The following GBP7 variants were observed in gnomAD, a reference collection of about 807,000 sequenced individuals.
GBP7 encodes guanylate-binding protein 7.
Under a neutral mutation model 61.3 loss-of-function variants are expected in GBP7, and 43 were observed. The ratio of observed to expected loss-of-function variants is 0.70; its 90% CI spans 0.55 to 0.91. The LOEUF (loss-of-function observed/expected upper bound fraction) is 0.91. Ranked by LOEUF, GBP7 falls within the 40% of genes least tolerant of loss-of-function variation. GBP7 has a pLI of 0.00. For synonymous variants in GBP7, 267 were observed against 271.0 expected, an observed-to-expected ratio of 0.99 and a Z score of 0.14; for missense variants, 717 against 740.5, an observed-to-expected ratio of 0.97 and a Z score of 0.37.
chr1:89,152,585 G>A (rs1221551919), intron 4 of GBP7, 83 bp downstream of exon 4: 3 of 1,508,026 alleles, frequency 2.0e-6, no homozygotes, highest in Non-Finnish European at 2.7e-6. Context: ...CAGGACAACT[G>A]AGTCACAACA....
At chr1:89,154,236 G>T (rs1682264458) in intron 3 of GBP7, among the ~76,000 whole-genome samples, 1 of 152,066 alleles carries the variant, frequency 6.6e-6, no homozygotes, top group Non-Finnish European at 1.5e-5. Context: ...TTTTATCTTT[G>T]TTGTACACTG....
chr1:89,141,685 G>A, intron 8 of GBP7, 37 bp from the exon 9 acceptor site: 2 of 1,524,426 alleles, frequency 1.3e-6, no homozygotes, highest in Non-Finnish European at 1.8e-6. Context: ...CTGTCAGGCA[G>A]CAGAAATCTT....
chr1:89,166,644 T>G (rs908287222), intron 2 of GBP7, among the ~76,000 whole-genome samples: 4 of 152,194 alleles, frequency 2.6e-5, no homozygotes, highest in Non-Finnish European at 5.9e-5. Flanking sequence ...ATGCCAAACT[T>G]GAATGAAATG....
At chr1:89,150,242 A>G (rs1682161132) in intron 6 of GBP7, 88 bp downstream of exon 6, 10 of 1,221,744 alleles carry the variant, frequency 8.2e-6, no homozygotes, top group African/African-American at 1.5e-5. Context: ...TTATCTCCTT[A>G]CCAGTTGTTC....
chr1:89,146,168 T>A (rs1239746979), intron 8 of GBP7, among the ~76,000 whole-genome samples: 1 of 152,050 alleles, frequency 6.6e-6, no homozygotes, highest in African/African-American at 2.4e-5. Flanking sequence ...AGTCAAAGAC[T>A]TTTCAAAAAA....
chr1:89,157,693 G>A (rs959365936), intron 3 of GBP7, among the ~76,000 whole-genome samples: 3 of 151,578 alleles, frequency 2.0e-5, no homozygotes, highest in African/African-American at 7.3e-5. Flanking sequence ...AGCAGGCTCT[G>A]AAATTGAGGC....
chr1:89,147,519 C>A (rs764703639), intron 8 of GBP7, 48 bp downstream of exon 8: 15 of 1,469,080 alleles, frequency 1.0e-5, no homozygotes, highest in East Asian at 9.1e-5. Context: ...CAACGAAGAC[C>A]CTCTGACTAT....
Position 89,150,491 on chromosome 1 carries a change from TCAAAGA to T in GBP7, c.704_709del (p.Val235_Phe236del), listed in dbSNP as rs774436587. On this transcript the variant is annotated inframe_deletion, in exon 6 of 11. Transcript: ENST00000294671. ...GAGTTTTTTGTCATTTATTGGCCGG[TCAAAGA>T]CAAAGCACTTCTGTTTTGGAAAGAA... is the stretch of plus-strand genomic sequence containing the variant. 9 of 1,613,990 alleles carry T rather than the reference TCAAAGA, an allele frequency of 5.6e-6. No homozygotes were observed. The South Asian group carries it at 6.6e-5, about 12-fold the overall frequency.
chr1:89,134,203 C>G (rs538586416), intron 9 of GBP7, among the ~76,000 whole-genome samples: 1 of 152,348 alleles, frequency 6.6e-6, no homozygotes, highest in East Asian at 1.9e-4. Flanking sequence ...GATGGGCTCA[C>G]ACCAGTGTGC....
chr1:89,147,545 C>T, intron 8 of GBP7, 22 bp downstream of exon 8: 1 of 1,578,164 alleles, frequency 6.3e-7, no homozygotes, highest in Non-Finnish European at 8.7e-7. Context: ...GTCATCCATC[C>T]CCTTCTCCCC....
chr1:89,167,120 A>G (rs1445321379), intron 2 of GBP7, among the ~76,000 whole-genome samples: 2 of 152,176 alleles, frequency 1.3e-5, no homozygotes, highest in Admixed American at 6.6e-5. Context: ...TTAGCTTGAC[A>G]TAATCTGGCA....
intron 3 of GBP7, among the ~76,000 whole-genome samples, chr1:89,160,132 G>A (rs998938009): frequency 1.3e-5 from 2 of 152,186 alleles, no homozygotes; most frequent in African/African-American, 2.4e-5. Flanking sequence ...AACACCGCAT[G>A]TTCTCACTCA....
chr1:89,147,771 C>A lies in GBP7; in HGVS notation c.1161G>T (p.Met387Ile). ...GCACAAAGTCTTCCTTCTTTTTCTC[C>A]ATGGTGTCCTGCCAGAAAAGTGTAG... is the stretch of plus-strand genomic sequence containing the variant. Reference protein sequence around the residue: ...QEFQKKLVDTMEKKKEDFVLQ... With the variant: ...QEFQKKLVDTIEKKKEDFVLQ... Residue 387 changes from methionine (M) to isoleucine (I), a missense_variant, in exon 8 of 11, where the codon ATG becomes ATT. By Grantham distance (10) the Met-to-Ile change is conservative (BLOSUM62 1). Transcript: ENST00000294671. 4 of 1,613,990 alleles carry A rather than the reference C, an allele frequency of 2.5e-6. No homozygotes were observed. Among genetic ancestry groups the A allele is most frequent in the Non-Finnish European group, 3.4e-6 (4 of 1,179,948 alleles).
At chr1:89,148,404 C>T (rs1682115986) in intron 7 of GBP7, among the ~76,000 whole-genome samples, 1 of 152,182 alleles carries the variant, frequency 6.6e-6, no homozygotes, top group Admixed American at 6.5e-5. Flanking sequence ...TCCACACTAT[C>T]CATAGTCCCT....
intron 2 of GBP7, among the ~76,000 whole-genome samples, chr1:89,165,571 T>C (rs555192455): frequency 9.4e-4 from 143 of 151,614 alleles, no homozygotes; most frequent in Non-Finnish European, 1.8e-3. Flanking sequence ...GTAATAAAGT[T>C]AATGCCCTTA....
intron 8 of GBP7, among the ~76,000 whole-genome samples, chr1:89,144,925 C>T (rs1008151215): frequency 4.0e-5 from 6 of 149,452 alleles, no homozygotes; most frequent in African/African-American, 1.5e-4. Context: ...ACCACCCATT[C>T]TACTCTCTGT....
intron 8 of GBP7, among the ~76,000 whole-genome samples, chr1:89,142,603 T>G (rs1476030635): frequency 7.9e-5 from 12 of 152,042 alleles, no homozygotes; most frequent in Admixed American, 4.6e-4. Flanking sequence ...CTGTCCAAAA[T>G]GGGAAATTAC....
At chr1:89,147,411 T>A (rs1187115311) in intron 8 of GBP7, among the ~76,000 whole-genome samples, 156 bp downstream of exon 8, 1 of 152,226 alleles carries the variant, frequency 6.6e-6, no homozygotes, top group Non-Finnish European at 1.5e-5. Context: ...TAAGAGTAGC[T>A]AAATAATTGT....
Position 89,149,376 on chromosome 1 carries a change from A to G in GBP7, c.1068T>C (p.His356=), listed in dbSNP as rs1170739241. ...TDTLQELLDV[H]AVCEREAIAV... is the part of the protein sequence containing the mutation. ...CAATGGCTTCCCTCTCACAAACTGC[A>G]TGCACGTCCAGCAGCTCCTGGAGTG... The change falls in exon 7 of 11, where the codon CAT becomes CAC. Residue 356 remains histidine (H), a synonymous_variant. Coordinates refer to ENST00000294671, the MANE Select transcript of GBP7 (RefSeq NM_207398.3). 2 of 1,614,154 alleles carry G rather than the reference A, an allele frequency of 1.2e-6. No individual in the cohort carries two copies. Among genetic ancestry groups the G allele is most frequent in the Admixed American group, 1.7e-5 (1 of 60,018 alleles).
Sources: gnomAD v4.1 joint callset for allele counts (sites outside exome capture counted in the v4.1 genomes callset) on GRCh38, gnomAD v4.1.1 for gene constraint, MANE v1.5 for transcripts, NCBI Gene and HGNC (gene_info 2026-07-23, HGNC 2026-07-21) for gene names.